KCNT2: variants seen among roughly 807,000 people sequenced by gnomAD.
KCNT2 encodes potassium channel subfamily T member 2.
Under a neutral mutation model 153.8 loss-of-function variants are expected in KCNT2, and 67 were observed. The observed-to-expected ratio is 0.44, with a 90% CI of 0.36 to 0.53. KCNT2 has a LOEUF of 0.53. Ranked by LOEUF, KCNT2 falls within the 20% of genes least tolerant of loss-of-function variation. The pLI is 0.00. For synonymous variants in KCNT2, 500 were observed against 458.8 expected (o/e 1.09, Z -1.15); for missense variants, 975 against 1,354.8 (o/e 0.72, Z 4.40).
chr1:196,461,135 T>C lies in KCNT2; in HGVS notation c.638+4158A>G, dbSNP rs537685691. Reference sequence around the variant, plus strand: ...AACTACAGTACTTATCTTCTCACTGTCCACTTCCCAAGTAGCTATTTGCCG... The same window carrying C: ...AACTACAGTACTTATCTTCTCACTGCCCACTTCCCAAGTAGCTATTTGCCG... On this transcript the variant is annotated intron_variant, in intron 8 of 27. Transcript: ENST00000294725. 1.7e-3 allele frequency among the ~76,000 whole-genome samples: 253 copies of C among 151,904 alleles called. 1 individual carries two copies. The highest frequency in any genetic ancestry group is 5.8e-3 in the African/African-American group (242 of 41,522).
In KCNT2 at chr1:196,482,389, G is replaced by A. The variant is rs768022647; in HGVS notation, c.276-10C>T. ...CCAAAAGATATGAGACCTATAAAAAGAATAATAATAAGTTAGTTTTTTAAA... is the reference window on the plus strand; with the variant it reads ...CCAAAAGATATGAGACCTATAAAAAAAATAATAATAAGTTAGTTTTTTAAA... On this transcript the variant is annotated splice_polypyrimidine_tract_variant and intron_variant, in intron 3 of 27. Coordinates refer to ENST00000294725, the MANE Select transcript of KCNT2 (RefSeq NM_198503.5). 13 of 1,452,144 alleles carry A rather than the reference G, an allele frequency of 9.0e-6. No homozygotes were observed. In the East Asian group the frequency reaches 1.2e-4, roughly 13 times the overall value. The allele number at this position is 1,452,144 out of a possible 1,614,324, so 90.0% of individuals were successfully genotyped here. A position where few individuals can be genotyped will look rare whatever the true frequency, so the allele number is the denominator to read the frequency against.
intron 5 of KCNT2, 138 bp downstream of exon 5, chr1:196,479,041 G>T: frequency 1.6e-6 from 1 of 626,692 alleles, no homozygotes; most frequent in Non-Finnish European, 2.9e-6. Context: ...CTTTTTATCA[G>T]CTACTGGAGC....
intron 1 of KCNT2, among the ~76,000 whole-genome samples, chr1:196,537,551 G>T (rs1426974256): frequency 6.6e-6 from 1 of 152,086 alleles, no homozygotes; most frequent in Non-Finnish European, 1.5e-5. Flanking sequence ...CTCCAGTTGT[G>T]GTGTCTCCCC....
At position 196,415,909 on chromosome 1, in the gene KCNT2, T is replaced by G. The variant is rs182945985; in HGVS notation, c.1185+7141A>C. On this transcript the variant is annotated intron_variant, in intron 12 of 27. Coordinates refer to ENST00000294725, the MANE Select transcript of KCNT2 (RefSeq NM_198503.5). ...TAAGAATTTACTTGCTTTCCTTATA[T>G]AATAGTGCCCCCATCCACAGTTTTG... Among the ~76,000 whole-genome samples the G allele has an allele frequency of 4.9e-4, 74 of 152,082 alleles. 1 individual carries two copies. In the South Asian group the frequency reaches 6.4e-3, roughly 13 times the overall value.
intron 6 of KCNT2, among the ~76,000 whole-genome samples, chr1:196,468,278 T>A (rs779430156): frequency 5.9e-5 from 9 of 152,224 alleles, no homozygotes; most frequent in Non-Finnish European, 1.3e-4. Flanking sequence ...CTTCTCTAGA[T>A]AAATCACTCA....
At chr1:196,326,325 G>T (rs1034373819) in intron 19 of KCNT2, among the ~76,000 whole-genome samples, 8 of 151,860 alleles carry the variant, frequency 5.3e-5, no homozygotes, top group Admixed American at 3.9e-4. Context: ...ATCAGTAAAT[G>T]CTTCTCTGAT....
intron 8 of KCNT2, among the ~76,000 whole-genome samples, chr1:196,458,627 T>C (rs1676886992): frequency 6.6e-6 from 1 of 151,936 alleles, no homozygotes; most frequent in African/African-American, 2.4e-5. Flanking sequence ...AAAATGCGCT[T>C]CTTTTAAAAT....
Position 196,315,873 on chromosome 1 carries a change from G to A in KCNT2, c.2483+19C>T. ...TTAGCACAAAGTAAGTGGCAAGGTT[G>A]GATGATTCAGCCACTTACCTGAAGA... is the stretch of plus-strand genomic sequence containing the variant. On this transcript the variant is annotated intron_variant, in intron 21 of 27. Coordinates refer to ENST00000294725, the MANE Select transcript of KCNT2 (RefSeq NM_198503.5). 1 of 1,592,800 alleles carries A rather than the reference G, an allele frequency of 6.3e-7. No homozygotes were observed. Among genetic ancestry groups the A allele is most frequent in the South Asian group, 1.1e-5 (1 of 88,220 alleles).
intron 5 of KCNT2, among the ~76,000 whole-genome samples, chr1:196,476,589 C>T (rs1166610132): frequency 6.6e-6 from 1 of 151,984 alleles, no homozygotes; most frequent in African/African-American, 2.4e-5. Flanking sequence ...TCTTTCATTT[C>T]TCTTCTCTAG....
At position 196,475,310 on chromosome 1, in the gene KCNT2, CT is replaced by C. The variant is rs551823802; in HGVS notation, c.384+3868del. Among the ~76,000 whole-genome samples the C allele has an allele frequency of 9.2e-5, 14 of 152,182 alleles. No homozygotes were observed. In the East Asian group the frequency reaches 2.3e-3, roughly 25 times the overall value. On this transcript the variant is annotated intron_variant, in intron 5 of 27. Transcript: ENST00000294725. Reference sequence around the variant, plus strand: ...TCCATTTCTGTGTGTCTGTATATTACTTTTCTTTAAAAAATCTAACTTAGCC... The same window carrying C: ...TCCATTTCTGTGTGTCTGTATATTACTTTCTTTAAAAAATCTAACTTAGCC...
At chr1:196,479,964 A>G (rs1435538229) in intron 4 of KCNT2, among the ~76,000 whole-genome samples, 1 of 152,244 alleles carries the variant, frequency 6.6e-6, no homozygotes, top group East Asian at 1.9e-4. Flanking sequence ...TTCAGATTTT[A>G]TTTGAATGAA....
chr1:196,463,104 C>T (rs1444804044), intron 8 of KCNT2, among the ~76,000 whole-genome samples: 1 of 151,606 alleles, frequency 6.6e-6, no homozygotes, highest in Non-Finnish European at 1.5e-5. Context: ...AAAATTATTC[C>T]CCAGCAGTAT....
In KCNT2 at chr1:196,465,331, C is replaced by T. The variant is rs1186500984; in HGVS notation, c.600G>A (p.Leu200=). The change falls in exon 8 of 28, where the codon TTG becomes TTA. Residue 200 remains leucine (L), a synonymous_variant. Transcript: ENST00000294725. The part of the protein sequence containing the change: ...RTQSAMFNQV[L]ILISTLLCLI... ...GGCATAGTAATGTAGATATTAAAAT[C>T]AAAACTTGATTAAACATTGCAGACT... 4 of 1,605,272 alleles carry T rather than the reference C, an allele frequency of 2.5e-6. No individual in the cohort carries two copies. Among genetic ancestry groups the T allele is most frequent in the African/African-American group, 1.3e-5 (1 of 74,590 alleles).
intron 8 of KCNT2, among the ~76,000 whole-genome samples, chr1:196,450,240 G>A (rs757057214): frequency 1.3e-5 from 2 of 151,662 alleles, no homozygotes; most frequent in South Asian, 2.1e-4. Context: ...CCCACTGCCC[G>A]GTAAAGGTTT....
chr1:196,480,785 G>A (rs988931752), intron 4 of KCNT2, among the ~76,000 whole-genome samples: 2 of 148,534 alleles, frequency 1.3e-5, no homozygotes, highest in African/African-American at 5.0e-5. Context: ...GAACCCAGGA[G>A]GCGGAGCTTG....
chr1:196,332,872 C>A (rs1664602979), intron 17 of KCNT2, among the ~76,000 whole-genome samples: 1 of 151,448 alleles, frequency 6.6e-6, no homozygotes, highest in South Asian at 2.1e-4. Context: ...GCAACCTCCA[C>A]CTCCTGCGTT....
At chr1:196,430,355 G>A (rs1035524563) in intron 8 of KCNT2, among the ~76,000 whole-genome samples, 1 of 151,560 alleles carries the variant, frequency 6.6e-6, no homozygotes, top group African/African-American at 2.4e-5. Flanking sequence ...GGTATCCTGG[G>A]AATGGGCTCC....
chr1:196,260,237 G>T (rs1656881495), intron 25 of KCNT2, among the ~76,000 whole-genome samples: 1 of 151,838 alleles, frequency 6.6e-6, no homozygotes, highest in South Asian at 2.1e-4. Context: ...AAACATTAAA[G>T]ATACTATGTT....
chr1:196,414,811 T>A (rs529657241), intron 12 of KCNT2, among the ~76,000 whole-genome samples: 58 of 151,908 alleles, frequency 3.8e-4, no homozygotes, highest in Non-Finnish European at 7.2e-4. Context: ...AAAAGGGACA[T>A]CTGACAGTCT....
Sources: gnomAD v4.1 joint callset for allele counts (sites outside exome capture counted in the v4.1 genomes callset) on GRCh38, gnomAD v4.1.1 for gene constraint, MANE v1.5 for transcripts, NCBI Gene and HGNC (gene_info 2026-07-23, HGNC 2026-07-21) for gene names.